STXBP3: variants seen among roughly 807,000 people sequenced by gnomAD.
The protein encoded by STXBP3 is syntaxin-binding protein 3.
In STXBP3, 41 loss-of-function variants were observed where a neutral mutation model predicts 85.7. The observed-to-expected ratio is 0.48, with a 90% confidence interval of 0.37 to 0.62. The LOEUF (loss-of-function observed/expected upper bound fraction) is 0.62, where lower values mean the gene tolerates loss of function less well. STXBP3 is among the 20% of genes least tolerant of loss of function. STXBP3 has a pLI of 0.00. For missense variants in STXBP3, 563 were observed against 703.1 expected, an observed-to-expected ratio of 0.80 and a Z score of 2.25; for synonymous variants, 229 against 231.7, an observed-to-expected ratio of 0.99 and a Z score of 0.10.
chr1:108,786,238 A>T (rs1235383076), intron 11 of STXBP3, among the ~76,000 whole-genome samples: 2 of 152,200 alleles, frequency 1.3e-5, no homozygotes, highest in African/African-American at 4.8e-5. Flanking sequence ...ACAGGGTGGC[A>T]GGGGAGAGAA....
At position 108,759,994 on chromosome 1, in the gene STXBP3, A is replaced by G. The variant is rs1385065116; in HGVS notation, c.347A>G (p.Asp116Gly). The G allele has an allele frequency of 3.2e-6, 5 of 1,566,626 alleles. No individual in the cohort carries two copies. Among genetic ancestry groups the G allele is most frequent in the Admixed American group, 4.1e-5 (2 of 49,246 alleles). The stretch of plus-strand genomic sequence containing the variant: ...TTTTTTTTCCCCTCAGTTTGCCCTG[A>G]TAATCTCTTTAACAAAATTAAGGCT... ...AYIYFTDFCP[D>G]NLFNKIKASC... Residue 116 changes from aspartate (D) to glycine (G), a missense_variant, in exon 6 of 19, where the codon GAT (aspartate) becomes GGT (glycine). Physicochemically the swap from Asp to Gly is moderately conservative, Grantham distance 94. This residue lies in a region of STXBP3 where 494 missense variants were observed against 592.8 expected (regional missense o/e 0.83). Transcript: ENST00000370008.
At chr1:108,777,310 G>A (rs1040598006) in intron 8 of STXBP3, among the ~76,000 whole-genome samples, 3 of 152,100 alleles carry the variant, frequency 2.0e-5, no homozygotes, top group Non-Finnish European at 4.4e-5. Context: ...CCAAGAAGAA[G>A]AGGCCCTTTA....
Position 108,782,632 on chromosome 1 carries a change from C to T in STXBP3, c.906-17C>T, listed in dbSNP as rs763957590. The T allele has an allele frequency of 5.0e-6, 8 of 1,602,730 alleles. No homozygotes were observed. The highest frequency in any genetic ancestry group is 1.3e-5 in the African/African-American group (1 of 74,190). On this transcript the variant is annotated splice_polypyrimidine_tract_variant and intron_variant, in intron 10 of 18. Coordinates refer to ENST00000370008, the MANE Select transcript of STXBP3 (RefSeq NM_007269.4). ...TTACATCTTAGAAATTTAAAGAATT[C>T]TCTCACAATTTGACAGGGAAATTCC...
intron 1 of STXBP3, among the ~76,000 whole-genome samples, chr1:108,749,743 G>T (rs552012865): frequency 6.6e-6 from 1 of 152,040 alleles, no homozygotes; most frequent in East Asian, 1.9e-4. Flanking sequence ...GACTCTGTAG[G>T]TATCTTCAGA....
intron 6 of STXBP3, among the ~76,000 whole-genome samples, chr1:108,765,516 C>T (rs893275773): frequency 2.0e-5 from 3 of 151,306 alleles, no homozygotes; most frequent in Non-Finnish European, 2.9e-5. Context: ...AACAAAGCTA[C>T]AAGCTCACTG....
chr1:108,773,688 T>G (rs1304954686), intron 7 of STXBP3, among the ~76,000 whole-genome samples: 2 of 151,938 alleles, frequency 1.3e-5, no homozygotes, highest in Non-Finnish European at 2.9e-5. Flanking sequence ...CCACACTCAC[T>G]CGACTGGGAC....
chr1:108,761,733 G>A (rs67525778), intron 6 of STXBP3, among the ~76,000 whole-genome samples: 34,472 of 152,016 alleles, frequency 0.23, 4,178 homozygotes, highest in Non-Finnish European at 0.26. Context: ...AACACTTTGG[G>A]AGGCCGAGGT....
chr1:108,749,460 C>T (rs975717497), intron 1 of STXBP3, among the ~76,000 whole-genome samples: 2 of 152,098 alleles, frequency 1.3e-5, no homozygotes, highest in Non-Finnish European at 2.9e-5. Context: ...GCCACAGGAG[C>T]AAATTCTCTT....
Position 108,759,928 on chromosome 1 carries a change from A to G in STXBP3, c.338-57A>G, listed in dbSNP as rs550184774. The stretch of plus-strand genomic sequence containing the variant: ...CTATTCTTGGATGTTGGAATGATTT[A>G]TTTAAAAGGAATAAAATCTAGATGT... On this transcript the variant is annotated intron_variant, in intron 5 of 18. Coordinates refer to ENST00000370008, the MANE Select transcript of STXBP3 (RefSeq NM_007269.4). 7 of 1,078,464 alleles carry G rather than the reference A, an allele frequency of 6.5e-6. No individual in the cohort carries two copies. In the South Asian group the frequency reaches 1.0e-4, roughly 16 times the overall value. 66.8% of individuals were successfully genotyped at this position (1,078,464 alleles called of 1,614,324 possible).
intron 11 of STXBP3, among the ~76,000 whole-genome samples, chr1:108,790,346 A>G (rs1008032310): frequency 1.3e-5 from 2 of 152,072 alleles, no homozygotes; most frequent in African/African-American, 4.8e-5. Context: ...TATTACTTGC[A>G]GTATTTCTTG....
chr1:108,773,901 A>G lies in STXBP3; in HGVS notation c.593+1082A>G, dbSNP rs145377337. 5.5e-3 allele frequency among the ~76,000 whole-genome samples: 837 copies of G among 152,178 alleles called. 6 individuals carry two copies. Among genetic ancestry groups the G allele is most frequent in the Middle Eastern group, 0.02 (6 of 294 alleles). The stretch of plus-strand genomic sequence containing the variant: ...ATGACATTATTTGAGGACGTGCTAG[A>G]TATGGCATGTTAATTCATTCCAAAA... On this transcript the variant is annotated intron_variant, in intron 7 of 18. Transcript: ENST00000370008.
chr1:108,760,221 T>C, intron 6 of STXBP3, 136 bp downstream of exon 6: 1 of 524,014 alleles, frequency 1.9e-6, no homozygotes, highest in Non-Finnish European at 3.3e-6. Flanking sequence ...AAATAGACAT[T>C]TCCCATGATG....
At chr1:108,794,545 C>T (rs1197807506) in intron 12 of STXBP3, among the ~76,000 whole-genome samples, 1 of 152,216 alleles carries the variant, frequency 6.6e-6, no homozygotes, top group South Asian at 2.1e-4. Context: ...GAAAATCACT[C>T]CCATCATCCC....
intron 5 of STXBP3, 36 bp from the exon 6 acceptor site, chr1:108,759,949 G>C: frequency 8.0e-7 from 1 of 1,251,886 alleles, no homozygotes; most frequent in Non-Finnish European, 1.1e-6. Context: ...ATAAAATCTA[G>C]ATGTAACTAT....
At chr1:108,746,829 G>A (rs1393088994) in intron 1 of STXBP3, 43 bp downstream of exon 1, 4 of 1,540,672 alleles carry the variant, frequency 2.6e-6, no homozygotes, top group Non-Finnish European at 8.8e-7. Flanking sequence ...AAGGCCGGGA[G>A]GCTGCCGTGC....
intron 11 of STXBP3, among the ~76,000 whole-genome samples, chr1:108,788,072 G>A (rs1056461032): frequency 1.3e-5 from 2 of 152,138 alleles, no homozygotes; most frequent in Non-Finnish European, 2.9e-5. Flanking sequence ...GATTACAGGC[G>A]TGAGCCACCA....
At chr1:108,759,459 T>A (rs930604870) in intron 5 of STXBP3, among the ~76,000 whole-genome samples, 1 of 152,140 alleles carries the variant, frequency 6.6e-6, no homozygotes, top group African/African-American at 2.4e-5. Context: ...AACCTAGATC[T>A]AGTGGAATGA....
chr1:108,759,949 G>T (rs902907502), intron 5 of STXBP3, 36 bp from the exon 6 acceptor site: 25 of 1,251,768 alleles, frequency 2.0e-5, no homozygotes, highest in Non-Finnish European at 2.7e-5. Context: ...ATAAAATCTA[G>T]ATGTAACTAT....
At chr1:108,794,139 A>G (rs1052455647) in intron 12 of STXBP3, among the ~76,000 whole-genome samples, 3 of 152,206 alleles carry the variant, frequency 2.0e-5, no homozygotes, top group Admixed American at 6.5e-5. Context: ...ACATTTAGAA[A>G]GATAAATAGA....
Sources: allele counts gnomAD v4.1 joint callset (sites outside exome capture counted in the v4.1 genomes callset), GRCh38; gene constraint gnomAD v4.1.1; regional missense constraint gnomAD v4.1.1; transcripts MANE v1.5; gene names NCBI Gene and HGNC (gene_info 2026-07-23, HGNC 2026-07-21).